DHRS2: variants seen among roughly 807,000 people sequenced by gnomAD.
The protein encoded by DHRS2 is dehydrogenase/reductase 2.
In DHRS2, 29 loss-of-function variants were observed where a neutral mutation model predicts 26.3. The ratio of observed to expected loss-of-function variants is 1.10; its 90% confidence interval spans 0.82 to 1.50. The LOEUF (loss-of-function observed/expected upper bound fraction) is 1.50. Ranked by LOEUF, DHRS2 falls within the 40% of genes most tolerant of loss-of-function variation. The pLI is 0.00. For synonymous variants in DHRS2, 164 were observed against 151.3 expected (o/e 1.08, Z -0.62); for missense variants, 439 against 367.1 (o/e 1.20, Z -1.60).
At chr14:23,640,861 C>T (rs1890627091) in intron 4 of DHRS2, 1 of 152,252 alleles carries the variant, frequency 6.6e-6, no homozygotes, top group Admixed American at 6.5e-5. Context: ...GTTGTTAATG[C>T]CTCCAAAGGA....
intron 8 of DHRS2, 115 bp from the exon 9 acceptor site, chr14:23,645,027 C>G: frequency 6.4e-7 from 1 of 1,570,820 alleles, no homozygotes. Flanking sequence ...GTGCAAGTAG[C>G]CCTGCTGCAT....
At chr14:23,642,745 T>A (rs1044292922) in intron 4 of DHRS2, 5 of 175,106 alleles carry the variant, frequency 2.9e-5, no homozygotes, top group African/African-American at 1.2e-4. Flanking sequence ...TATTTAAAAA[T>A]CTTGTAGAGA....
chr14:23,644,414 G>A lies in DHRS2; in HGVS notation c.546G>A (p.Leu182=), dbSNP rs1890791336. ...TCTGTCAATTCCCTTCCCAGGCGCT[G>A]GGTGTCTACAATGTCAGCAAGACAG... is the stretch of plus-strand genomic sequence containing the variant. ...SIAAYNPVVA[L]GVYNVSKTAL... is the part of the protein sequence containing the mutation. Residue 182 remains leucine, a synonymous_variant, in exon 7 of 9, where the codon CTG becomes CTA. Transcript: ENST00000250383. 6.2e-7 allele frequency: 1 copy of A among 1,614,104 alleles called. No individual in the cohort carries two copies. The highest frequency in any genetic ancestry group is 8.5e-7 in the Non-Finnish European group (1 of 1,180,022).
At chr14:23,642,944 C>T (rs1338580128) in intron 4 of DHRS2, 1 of 550,914 alleles carries the variant, frequency 1.8e-6, no homozygotes, top group Non-Finnish European at 3.3e-6. Context: ...GGGCTCTGCT[C>T]ACAGGCCTGT....
intron 7 of DHRS2, 61 bp from the exon 8 acceptor site, chr14:23,644,766 C>T: frequency 2.5e-6 from 4 of 1,594,182 alleles, no homozygotes; most frequent in Non-Finnish European, 3.4e-6. Flanking sequence ...GGTGGCCTTC[C>T]CGGGGCCCTG....
In DHRS2 at chr14:23,644,862, G is replaced by A; in HGVS notation, c.711G>A (p.Lys237=). 6.2e-7 allele frequency: 1 copy of A among 1,614,196 alleles called. No homozygotes were observed. Among genetic ancestry groups the A allele is most frequent in the Non-Finnish European group, 8.5e-7 (1 of 1,180,038 alleles). ...ATGAGTCTCTCTGGAAGAACTTCAA[G>A]GAACATCATCAGCTGCAGAGGCAAG... The part of the protein sequence containing the change: ...HGNESLWKNF[K]EHHQLQRIGE... Residue 237 remains lysine (K), a synonymous_variant, in exon 8 of 9, where the codon AAG becomes AAA. Coordinates refer to ENST00000250383, the MANE Select transcript of DHRS2 (RefSeq NM_005794.4).
At chr14:23,641,823 T>C (rs1326468572) in intron 4 of DHRS2, 1 of 1,265,408 alleles carries the variant, frequency 7.9e-7, no homozygotes, top group Non-Finnish European at 1.0e-6. Flanking sequence ...GGGAGTGAGA[T>C]TGGGGGGTGG....
intron 1 of DHRS2, 143 bp from the exon 2 acceptor site, chr14:23,638,684 A>C: frequency 1.3e-6 from 1 of 772,130 alleles, no homozygotes; most frequent in Non-Finnish European, 2.0e-6. Context: ...CCTGAGGTTC[A>C]CATGTTTGAA....
chr14:23,644,288 A>G, intron 6 of DHRS2, 121 bp from the exon 7 acceptor site: 1 of 1,557,482 alleles, frequency 6.4e-7, no homozygotes, highest in Non-Finnish European at 8.8e-7. Context: ...CCCTGGGCTG[A>G]GCTTGTCTCC....
At chr14:23,637,438 A>G (rs898519762) in intron 1 of DHRS2, among the ~76,000 whole-genome samples, 1 of 152,194 alleles carries the variant, frequency 6.6e-6, no homozygotes. Context: ...TGAAGCTAGG[A>G]TAGGGGGAGC....
intron 4 of DHRS2, chr14:23,641,994 A>G: frequency 8.9e-7 from 1 of 1,123,626 alleles, no homozygotes; most frequent in Non-Finnish European, 1.1e-6. Flanking sequence ...CCGCCTCTGC[A>G]TCTTTCCTTG....
intron 5 of DHRS2, 78 bp from the exon 6 acceptor site, chr14:23,644,033 A>G (rs949467218): frequency 7.4e-5 from 106 of 1,435,526 alleles, no homozygotes; most frequent in Non-Finnish European, 9.9e-5. Flanking sequence ...GGGTTGCATC[A>G]TTTAATGAAC....
chr14:23,639,463 C>T (rs759930024), intron 3 of DHRS2, 107 bp downstream of exon 3: 96 of 1,403,016 alleles, frequency 6.8e-5, no homozygotes, highest in Non-Finnish European at 8.7e-5. Context: ...GAGACCATGA[C>T]TGCACCCAGG....
intron 8 of DHRS2, 121 bp from the exon 9 acceptor site, chr14:23,645,021 A>G: frequency 6.4e-7 from 1 of 1,569,064 alleles, no homozygotes. Flanking sequence ...TGGAGGGTGC[A>G]AGTAGCCCTG....
chr14:23,639,892 C>T lies in DHRS2; in HGVS notation c.417C>T (p.Asp139=), dbSNP rs1003164143. ...TGGGGACCAGTGAGCAGATCTGGGACAAGGTGAGAGGCCTCCCCTGGGGAG... is the reference window on the plus strand; with the variant it reads ...TGGGGACCAGTGAGCAGATCTGGGATAAGGTGAGAGGCCTCCCCTGGGGAG... ...STLGTSEQIW[D]KILSVNVKSP... The change falls in exon 4 of 9, where the codon GAC becomes GAT. Residue 139 remains aspartate (D), a synonymous_variant. Transcript: ENST00000250383. 89 of 1,599,318 alleles carry T rather than the reference C, an allele frequency of 5.6e-5. No homozygotes were observed. The highest frequency in any genetic ancestry group is 7.5e-5 in the Non-Finnish European group (88 of 1,172,892).
chr14:23,642,088 G>C (rs554584584), intron 4 of DHRS2: 2 of 1,061,436 alleles, frequency 1.9e-6, no homozygotes, highest in African/African-American at 3.3e-5. Flanking sequence ...ACTTAGCCCA[G>C]ATTCAGACTT....
chr14:23,641,099 G>A (rs537744961), intron 4 of DHRS2: 2 of 154,130 alleles, frequency 1.3e-5, no homozygotes, highest in Admixed American at 6.3e-5. Flanking sequence ...CTGTACCACT[G>A]GACAGAAATC....
chr14:23,644,432 C>G lies in DHRS2; in HGVS notation c.564C>G (p.Ser188Arg), dbSNP rs1221504970. 4 of 1,614,070 alleles carry G rather than the reference C, an allele frequency of 2.5e-6. No homozygotes were observed. The African/African-American group carries it at 5.3e-5, about 22-fold the overall frequency. ...AGGCGCTGGGTGTCTACAATGTCAG[C>G]AAGACAGCGCTGCTGGGTCTCACTA... ...PVVALGVYNV[S>R]KTALLGLTRT... The change falls in exon 7 of 9, where the codon AGC (serine) becomes AGG (arginine). Residue 188 changes from serine to arginine, a missense_variant. Coordinates refer to ENST00000250383, the MANE Select transcript of DHRS2 (RefSeq NM_005794.4).
At chr14:23,639,044 G>A (rs373559238) in intron 2 of DHRS2, 40 bp downstream of exon 2, 35 of 1,601,812 alleles carry the variant, frequency 2.2e-5, no homozygotes, top group Non-Finnish European at 2.7e-5. Context: ...CCCCTCACAG[G>A]GTCCTTGTGG....
Sources: gnomAD v4.1 joint callset for allele counts (sites outside exome capture counted in the v4.1 genomes callset) on GRCh38, gnomAD v4.1.1 for gene constraint, MANE v1.5 for transcripts, NCBI Gene and HGNC (gene_info 2026-07-23, HGNC 2026-07-21) for gene names.